The following CNTNAP4 variants were observed in gnomAD, a reference collection of about 807,000 sequenced individuals.
CNTNAP4 encodes the protein contactin associated protein family member 4.
In CNTNAP4, 98 loss-of-function variants were observed where a neutral mutation model predicts 148.4. The ratio of observed to expected loss-of-function variants is 0.66; its 90% CI spans 0.56 to 0.78. CNTNAP4 has a LOEUF of 0.78. CNTNAP4 is among the 30% of genes least tolerant of loss of function. CNTNAP4 has a pLI of 0.00. For synonymous variants in CNTNAP4, 730 were observed against 565.1 expected (o/e 1.29, Z -4.14); for missense variants, 1,935 against 1,565.6 (o/e 1.24, Z -3.98).
chr16:76,389,801 G>A (rs2016815328), intron 3 of CNTNAP4, among the ~76,000 whole-genome samples: 1 of 152,036 alleles, frequency 6.6e-6, no homozygotes, highest in African/African-American at 2.4e-5. Context: ...TCTCAGAATA[G>A]TGGCCTATTC....
chr16:76,397,248 G>A (rs2078234843), intron 3 of CNTNAP4, among the ~76,000 whole-genome samples: 1 of 152,006 alleles, frequency 6.6e-6, no homozygotes, highest in Admixed American at 6.6e-5. Context: ...TGCTGGGGTG[G>A]GGGTTGGTTG....
intron 17 of CNTNAP4, among the ~76,000 whole-genome samples, chr16:76,534,829 C>A (rs1279153139): frequency 6.6e-6 from 1 of 152,178 alleles, no homozygotes; most frequent in Non-Finnish European, 1.5e-5. Flanking sequence ...CTGATTCCAA[C>A]CCAACATTGT....
chr16:76,541,927 C>T (rs930995557), intron 21 of CNTNAP4, among the ~76,000 whole-genome samples: 1 of 152,212 alleles, frequency 6.6e-6, no homozygotes, highest in African/African-American at 2.4e-5. Context: ...AAGGGAGTCT[C>T]ACAGTGTTAT....
chr16:76,439,150 G>A (rs1386536491), intron 4 of CNTNAP4, among the ~76,000 whole-genome samples: 1 of 152,046 alleles, frequency 6.6e-6, no homozygotes, highest in Admixed American at 6.6e-5. Flanking sequence ...AGCAACAGCA[G>A]CTCCCACCGT....
intron 3 of CNTNAP4, 75 bp from the exon 4 acceptor site, chr16:76,427,377 A>G: frequency 2.4e-5 from 32 of 1,307,204 alleles, no homozygotes; most frequent in Non-Finnish European, 3.4e-5. Flanking sequence ...CACATTGCTA[A>G]TAGACATTAT....
chr16:76,500,179 C>T (rs954985730), intron 15 of CNTNAP4, among the ~76,000 whole-genome samples: 4 of 151,844 alleles, frequency 2.6e-5, no homozygotes, highest in Admixed American at 2.0e-4. Flanking sequence ...GGCAGCTGGG[C>T]GGGGGCTGCC....
chr16:76,483,543 C>A (rs965191633), intron 12 of CNTNAP4, among the ~76,000 whole-genome samples: 3 of 152,150 alleles, frequency 2.0e-5, no homozygotes, highest in African/African-American at 7.2e-5. Context: ...CTGAGCAAAG[C>A]TTATCTAACA....
chr16:76,341,360 G>T (rs1964456376), intron 2 of CNTNAP4, among the ~76,000 whole-genome samples: 1 of 152,088 alleles, frequency 6.6e-6, no homozygotes, highest in Admixed American at 6.6e-5. Flanking sequence ...GTGACAAGCT[G>T]ATAAACAGTG....
chr16:76,395,817 T>C (rs2078183267), intron 3 of CNTNAP4, among the ~76,000 whole-genome samples: 1 of 150,518 alleles, frequency 6.6e-6, no homozygotes, highest in Non-Finnish European at 1.5e-5. Context: ...TAACTTCCAC[T>C]TCCCGAGTTC....
At chr16:76,325,047 G>T (rs1172842037) in intron 2 of CNTNAP4, among the ~76,000 whole-genome samples, 3 of 152,064 alleles carry the variant, frequency 2.0e-5, no homozygotes, top group Non-Finnish European at 4.4e-5. Context: ...GCCCTCGGGG[G>T]CAAAGATCCC....
chr16:76,372,874 A>G (rs2014998439), intron 3 of CNTNAP4, among the ~76,000 whole-genome samples: 1 of 152,236 alleles, frequency 6.6e-6, no homozygotes, highest in African/African-American at 2.4e-5. Context: ...CTTTATTGAA[A>G]AGTGTACCTA....
chr16:76,412,654 G>C (rs1193615120), intron 3 of CNTNAP4, among the ~76,000 whole-genome samples: 1 of 144,060 alleles, frequency 6.9e-6, no homozygotes, highest in Non-Finnish European at 1.6e-5. Context: ...TCGTAGATTT[G>C]TTAGGCATTT....
intron 10 of CNTNAP4, among the ~76,000 whole-genome samples, chr16:76,471,955 C>A (rs1411078087): frequency 6.6e-6 from 1 of 152,158 alleles, no homozygotes; most frequent in Non-Finnish European, 1.5e-5. Flanking sequence ...TCCAGCAAAC[C>A]TTTACATTGT....
At chr16:76,458,861 A>T (rs1190991681) in intron 8 of CNTNAP4, among the ~76,000 whole-genome samples, 1 of 152,194 alleles carries the variant, frequency 6.6e-6, no homozygotes, top group African/African-American at 2.4e-5. Context: ...TGGGTCGAAT[A>T]GTAATTCTAC....
intron 23 of CNTNAP4, among the ~76,000 whole-genome samples, chr16:76,555,213 C>A (rs927237726): frequency 2.0e-5 from 3 of 152,096 alleles, no homozygotes; most frequent in African/African-American, 7.2e-5. Context: ...ATTTGGACAG[C>A]AAATAATACC....
At chr16:76,347,137 T>TTGTG (rs56664519) in intron 2 of CNTNAP4, among the ~76,000 whole-genome samples, 39,679 of 149,396 alleles carry the variant, frequency 0.27, 5,497 homozygotes, top group Non-Finnish European at 0.33. Context: ...AGGCAATTGG[T>TTGTG]TGTGTGTGTG....
chr16:76,326,550 A>G (rs866247894), intron 2 of CNTNAP4, among the ~76,000 whole-genome samples: 2 of 152,208 alleles, frequency 1.3e-5, no homozygotes, highest in Admixed American at 1.3e-4. Flanking sequence ...AACCAATCCA[A>G]ATGTCCAACA....
intron 4 of CNTNAP4, among the ~76,000 whole-genome samples, chr16:76,435,601 G>A (rs972889828): frequency 2.0e-5 from 3 of 152,142 alleles, no homozygotes; most frequent in East Asian, 1.9e-4. Flanking sequence ...GTTTTGCAAG[G>A]TGTTGGTCAA....
At chr16:76,409,235 G>T (rs1438866209) in intron 3 of CNTNAP4, among the ~76,000 whole-genome samples, 1 of 151,782 alleles carries the variant, frequency 6.6e-6, no homozygotes, top group African/African-American at 2.4e-5. Context: ...AATCTTTAGG[G>T]AGCAGCAAGG....
Sources: gnomAD v4.1 joint callset for allele counts (sites outside exome capture counted in the v4.1 genomes callset) on GRCh38, gnomAD v4.1.1 for gene constraint, MANE v1.5 for transcripts, NCBI Gene and HGNC (gene_info 2026-07-23, HGNC 2026-07-21) for gene names.